Variants in PDE4D observed in about 807,000 individuals in gnomAD.
PDE4D encodes the protein phosphodiesterase 4D, also known as 3',5'-cyclic-AMP phosphodiesterase 4D.
In PDE4D, 24 loss-of-function variants were observed where a neutral mutation model predicts 87.4. The observed-to-expected ratio is 0.27, with a 90% CI of 0.20 to 0.39. The LOEUF (loss-of-function observed/expected upper bound fraction) is 0.39, where lower values mean the gene tolerates loss of function less well. PDE4D is among the 10% of genes least tolerant of loss of function. The pLI, the probability that PDE4D is intolerant of heterozygous loss-of-function variation, is 1.00. For synonymous variants in PDE4D, 384 were observed against 383.2 expected (o/e 1.00, Z -0.02); for missense variants, 714 against 1,041.0 (o/e 0.69, Z 4.32).
At chr5:59,729,596 A>G (rs899277131) in intron 1 of PDE4D, among the ~76,000 whole-genome samples, 1 of 152,012 alleles carries the variant, frequency 6.6e-6, no homozygotes, top group Non-Finnish European at 1.5e-5. Flanking sequence ...TAGTTTTACT[A>G]GTGGAACCAC....
intron 5 of PDE4D, chr5:59,039,699 CT>C: frequency 5.1e-6 from 1 of 196,904 alleles, no homozygotes; most frequent in Non-Finnish European, 9.2e-6. Flanking sequence ...CCGCCGCGTC[CT>C]TCCCCTCGAG....
chr5:59,600,222 T>A (rs1013769241), intron 1 of PDE4D, among the ~76,000 whole-genome samples: 1 of 152,210 alleles, frequency 6.6e-6, no homozygotes, highest in African/African-American at 2.4e-5. Flanking sequence ...GTGAGTTAGA[T>A]AACTGCAGCC....
At chr5:59,813,662 G>T (rs940876602) in intron 1 of PDE4D, among the ~76,000 whole-genome samples, 3 of 152,130 alleles carry the variant, frequency 2.0e-5, no homozygotes, top group Non-Finnish European at 4.4e-5. Context: ...TAAGAGTCTA[G>T]CAGGGGAAAA....
Position 60,435,935 on chromosome 5 carries a change from G to T in PDE4D, c.-90+52007C>A, listed in dbSNP as rs893642066. ...TCTTTAATTTTTCAGAGCCTCCAGG[G>T]CTGGTTTATAGGTTTCAGGACAATT... is the stretch of plus-strand genomic sequence containing the variant. On this transcript the variant is annotated intron_variant, in intron 1 of 16. Transcript: ENST00000502484. Among the ~76,000 whole-genome samples the T allele has an allele frequency of 1.6e-4, 24 of 152,000 alleles. 2 individuals are homozygous for T. The highest frequency in any genetic ancestry group is 1.3e-3 in the East Asian group (7 of 5,190).
intron 1 of PDE4D, among the ~76,000 whole-genome samples, chr5:60,241,163 A>T (rs1223648723): frequency 6.6e-6 from 1 of 152,110 alleles, no homozygotes; most frequent in Non-Finnish European, 1.5e-5. Context: ...TATCAGATAA[A>T]TTTCACAAAA....
rs534605977 is a variant in PDE4D at position 59,489,709 on chromosome 5, T to C, written c.456-273741A>G. 2.0e-5 allele frequency among the ~76,000 whole-genome samples: 3 copies of C among 152,256 alleles called. No individual in the cohort carries two copies. In the East Asian group the frequency reaches 5.8e-4, roughly 29 times the overall value. On this transcript the variant is annotated intron_variant, in intron 1 of 14. Transcript: ENST00000340635. ...CTTATTTGTTTCCTTGTGCCCACAT[T>C]AAAAAGAACTCAAAATGACTCATTA...
intron 1 of PDE4D, among the ~76,000 whole-genome samples, chr5:59,435,193 A>G (rs2153633516): frequency 2.0e-5 from 3 of 152,122 alleles, no homozygotes; most frequent in Admixed American, 2.0e-4. Flanking sequence ...TCCTTCACTT[A>G]CCTACCAAGA....
chr5:59,731,589 A>G (rs1256840911), intron 1 of PDE4D, among the ~76,000 whole-genome samples: 1 of 152,056 alleles, frequency 6.6e-6, no homozygotes, highest in Non-Finnish European at 1.5e-5. Context: ...CTTTCTAATG[A>G]TTTTGCAATA....
At chr5:59,831,866 AAAG>A (rs546326964) in intron 1 of PDE4D, among the ~76,000 whole-genome samples, 2 of 152,100 alleles carry the variant, frequency 1.3e-5, no homozygotes, top group African/African-American at 4.8e-5. Context: ...TATCAGATAA[AAAG>A]AAGAGCTTTG....
At chr5:59,392,778 G>C (rs1038589447) in intron 1 of PDE4D, among the ~76,000 whole-genome samples, 2 of 152,156 alleles carry the variant, frequency 1.3e-5, no homozygotes, top group Non-Finnish European at 2.9e-5. Flanking sequence ...CTGCAGATAT[G>C]TGAGTTGTGA....
intron 3 of PDE4D, among the ~76,000 whole-genome samples, chr5:59,941,830 G>T (rs1463563822): frequency 6.6e-6 from 1 of 152,204 alleles, no homozygotes; most frequent in Non-Finnish European, 1.5e-5. Context: ...TGAGGCCTCT[G>T]TATTCTTAGC....
At chr5:59,970,876 T>C (rs1195797774) in intron 3 of PDE4D, among the ~76,000 whole-genome samples, 1 of 148,152 alleles carries the variant, frequency 6.7e-6, no homozygotes, top group South Asian at 2.3e-4. Context: ...CAAAGGACTA[T>C]AAATCATGCT....
chr5:58,988,519 A>G lies in PDE4D; in HGVS notation c.1526T>C (p.Val509Ala). 6.7e-7 allele frequency: 1 copy of G among 1,485,250 alleles called. No homozygotes were observed. The highest frequency in any genetic ancestry group is 2.1e-5 in the Admixed American group (1 of 47,350). The allele number at this position is 1,485,250 out of a possible 1,614,324, so 92.0% of individuals were successfully genotyped here. ...SAIHDVDHPG[V>A]SNQFLINTNS... The stretch of plus-strand genomic sequence containing the variant: ...TGTATTGATCAGAAATTGATTGGAC[A>G]CACCAGGATGATCTACATCATGTAT... Residue 509 changes from valine to alanine, a missense_variant, in exon 11 of 15, where the codon GTG becomes GCG. By Grantham distance (64) the Val-to-Ala change is moderately conservative. Transcript: ENST00000340635.
chr5:59,434,878 T>C (rs574516781), intron 1 of PDE4D, among the ~76,000 whole-genome samples: 2 of 152,114 alleles, frequency 1.3e-5, no homozygotes, highest in Non-Finnish European at 2.9e-5. Flanking sequence ...CTAACACTGA[T>C]CAGATGCATT....
chr5:59,463,652 CAG>C (rs1302274217), intron 1 of PDE4D, among the ~76,000 whole-genome samples: 1 of 152,172 alleles, frequency 6.6e-6, no homozygotes, highest in Non-Finnish European at 1.5e-5. Context: ...GTGCTCAGTG[CAG>C]AGAGATTTCC....
chr5:60,468,725 T>G (rs1282210404), intron 1 of PDE4D, among the ~76,000 whole-genome samples: 1 of 151,402 alleles, frequency 6.6e-6, no homozygotes, highest in East Asian at 2.0e-4. Context: ...GGGATCTTAC[T>G]ATGTTGCCCA....
At chr5:60,411,135 G>A (rs116600856) in intron 1 of PDE4D, among the ~76,000 whole-genome samples, 2,386 of 152,236 alleles carry the variant, frequency 0.016, 62 homozygotes, top group African/African-American at 0.054. Context: ...AAGCAACTTG[G>A]TAAGTTCTAA....
At chr5:60,311,917 T>C (rs1755072857) in intron 1 of PDE4D, among the ~76,000 whole-genome samples, 1 of 152,066 alleles carries the variant, frequency 6.6e-6, no homozygotes, top group Non-Finnish European at 1.5e-5. Context: ...TCAGACAAAA[T>C]TGACTGTAAA....
intron 5 of PDE4D, among the ~76,000 whole-genome samples, chr5:59,108,145 CTG>C (rs1490460452): frequency 2.0e-5 from 3 of 152,168 alleles, no homozygotes; most frequent in African/African-American, 7.2e-5. Context: ...AAAACTGAAA[CTG>C]AGTGTTTATC....
Sources: gnomAD v4.1 joint callset for allele counts (sites outside exome capture counted in the v4.1 genomes callset) on GRCh38, gnomAD v4.1.1 for gene constraint, MANE v1.5 for transcripts, NCBI Gene and HGNC (gene_info 2026-07-23, HGNC 2026-07-21) for gene names.